The following PDE8B variants were observed in gnomAD, a reference collection of about 807,000 sequenced individuals.
PDE8B encodes phosphodiesterase 8B, also known as high affinity cAMP-specific and IBMX-insensitive 3',5'-cyclic phosphodiesterase 8B.
A neutral mutation model predicts 101.3 loss-of-function variants in PDE8B; 26 were observed. That is an observed-to-expected ratio of 0.26 (90% confidence interval 0.19 to 0.36). The LOEUF (loss-of-function observed/expected upper bound fraction) is 0.36. PDE8B is among the 10% of genes least tolerant of loss of function. The pLI, the probability that PDE8B is intolerant of heterozygous loss-of-function variation, is 1.00. For synonymous variants in PDE8B, 424 were observed against 429.3 expected (o/e 0.99, Z 0.15); for missense variants, 810 against 1,163.1 (o/e 0.70, Z 4.42).
chr5:77,324,288 GTTATT>G (rs1046989204), intron 2 of PDE8B, among the ~76,000 whole-genome samples: 1 of 152,156 alleles, frequency 6.6e-6, no homozygotes, highest in Non-Finnish European at 1.5e-5. Flanking sequence ...CCCACAGGTA[GTTATT>G]TTTTCATTTC....
At chr5:77,297,336 A>G (rs864109) in intron 1 of PDE8B, among the ~76,000 whole-genome samples, 120,891 of 152,180 alleles carry the variant, frequency 0.79, 48,871 homozygotes, top group African/African-American at 0.95. Context: ...CCTCACCACT[A>G]CTCCTAGTGT....
At chr5:77,166,770 C>T in the PDE8B span, 1 of 152,144 alleles carries the variant, frequency 6.6e-6, no homozygotes, top group Non-Finnish European at 1.5e-5. Context: ...TATGAAACAC[C>T]TTATGTTGGT....
chr5:77,382,623 G>T (rs978339477), intron 10 of PDE8B, among the ~76,000 whole-genome samples: 2 of 144,576 alleles, frequency 1.4e-5, no homozygotes, highest in African/African-American at 5.0e-5. Flanking sequence ...GATGTGTGAT[G>T]TTCCCCTCAC....
In PDE8B at chr5:77,349,619, A is replaced by C. The variant is rs1279562562; in HGVS notation, c.1017+60A>C. The C allele has an allele frequency of 2.5e-6, 4 of 1,578,972 alleles. No individual in the cohort carries two copies. The East Asian group carries it at 9.0e-5, about 35-fold the overall frequency. ...TCTCCCCAATGCACTTTTTTTTCTGAGTTTTAGAATTTCATCCTTAAGATT... is the reference window on the plus strand; with the variant it reads ...TCTCCCCAATGCACTTTTTTTTCTGCGTTTTAGAATTTCATCCTTAAGATT... On this transcript the variant is annotated intron_variant, in intron 8 of 21. Transcript: ENST00000264917.
chr5:77,337,064 C>T (rs141306818), intron 5 of PDE8B, among the ~76,000 whole-genome samples, 163 bp from the exon 6 acceptor site: 71 of 152,302 alleles, frequency 4.7e-4, no homozygotes, highest in African/African-American at 1.6e-3. Context: ...TACATTTAAA[C>T]AAGCACTTTG....
chr5:77,189,147 T>C, the PDE8B span, among the ~76,000 whole-genome samples: 4 of 152,184 alleles, frequency 2.6e-5, no homozygotes, highest in African/African-American at 9.7e-5. Flanking sequence ...CAATGAGAGC[T>C]GTGAGCAGCA....
chr5:77,400,187 T>A, intron 10 of PDE8B, 61 bp from the exon 11 acceptor site: 1 of 1,120,052 alleles, frequency 8.9e-7, no homozygotes, highest in Non-Finnish European at 1.4e-6. Context: ...TGATGAGAAA[T>A]ATAGCAAATG....
At chr5:77,384,763 G>A (rs1788198925) in intron 10 of PDE8B, among the ~76,000 whole-genome samples, 2 of 152,178 alleles carry the variant, frequency 1.3e-5, no homozygotes, top group East Asian at 1.9e-4. Flanking sequence ...CTGTTTATGT[G>A]ATGGGTCACA....
At chr5:77,131,497 C>T in the PDE8B span, among the ~76,000 whole-genome samples, 10 of 152,196 alleles carry the variant, frequency 6.6e-5, no homozygotes, top group Non-Finnish European at 1.3e-4. Flanking sequence ...TGGGTTTGGA[C>T]ATTCAAATAC....
intron 1 of PDE8B, among the ~76,000 whole-genome samples, chr5:77,227,765 G>C (rs1348207068): frequency 1.3e-5 from 2 of 152,152 alleles, no homozygotes; most frequent in African/African-American, 4.8e-5. Flanking sequence ...GACTGGTTCA[G>C]TTCAACAAAC....
chr5:77,374,538 C>G (rs1202417087), intron 10 of PDE8B, among the ~76,000 whole-genome samples: 2 of 151,450 alleles, frequency 1.3e-5, no homozygotes, highest in Non-Finnish European at 2.9e-5. Flanking sequence ...AGTGGTTGTC[C>G]TGGGGATTAC....
At chr5:77,330,201 T>C (rs1256602316) in intron 4 of PDE8B, among the ~76,000 whole-genome samples, 1 of 152,208 alleles carries the variant, frequency 6.6e-6, no homozygotes, top group Non-Finnish European at 1.5e-5. Context: ...AATGAGGTCA[T>C]AGAGTCTTGG....
intron 1 of PDE8B, among the ~76,000 whole-genome samples, chr5:77,223,731 G>A (rs1751712358): frequency 6.6e-6 from 1 of 152,058 alleles, no homozygotes; most frequent in Non-Finnish European, 1.5e-5. Context: ...TTTCCAGATG[G>A]TTTCCTCTTA....
chr5:77,369,592 G>C (rs950737916), intron 10 of PDE8B, among the ~76,000 whole-genome samples: 1 of 152,158 alleles, frequency 6.6e-6, no homozygotes, highest in African/African-American at 2.4e-5. Flanking sequence ...GCCCTAGACT[G>C]TCTTAAAGGC....
chr5:77,290,454 A>T (rs1767042166), intron 1 of PDE8B: 4 of 1,456,982 alleles, frequency 2.7e-6, no homozygotes, highest in South Asian at 1.1e-5. Flanking sequence ...CTATGAAGAA[A>T]CTGTAAAGAA....
At chr5:77,358,131 A>G (rs991506010) in intron 10 of PDE8B, among the ~76,000 whole-genome samples, 1 of 152,186 alleles carries the variant, frequency 6.6e-6, no homozygotes, top group Non-Finnish European at 1.5e-5. Context: ...GCAAACCATG[A>G]TCCTTAGCAC....
At position 77,387,761 on chromosome 5, in the gene PDE8B, G is replaced by A. The variant is rs188942080; in HGVS notation, c.1168-12487G>A. ...TCACATAGTCCCATATTTCTTGGAG[G>A]CCTTGTTCATTCCTTTTCATTCTTT... On this transcript the variant is annotated intron_variant, in intron 10 of 21. Transcript: ENST00000264917. Among the ~76,000 whole-genome samples, 311 of 152,148 alleles carry A rather than the reference G, an allele frequency of 2.0e-3. 4 individuals are homozygous for A. The highest frequency in any genetic ancestry group is 7.2e-3 in the African/African-American group (298 of 41,492).
At chr5:77,283,760 C>T (rs1452990458) in intron 1 of PDE8B, among the ~76,000 whole-genome samples, 2 of 152,148 alleles carry the variant, frequency 1.3e-5, no homozygotes, top group Non-Finnish European at 2.9e-5. Context: ...TTAGTTTCTC[C>T]AAGTTTGGGC....
chr5:77,247,124 G>A (rs1757111511), intron 1 of PDE8B, among the ~76,000 whole-genome samples: 1 of 152,108 alleles, frequency 6.6e-6, no homozygotes, highest in Non-Finnish European at 1.5e-5. Context: ...CATACAACAG[G>A]GCCCTACTGG....
Sources: allele counts gnomAD v4.1 joint callset (sites outside exome capture counted in the v4.1 genomes callset), GRCh38; gene constraint gnomAD v4.1.1; transcripts MANE v1.5; gene names NCBI Gene and HGNC (gene_info 2026-07-23, HGNC 2026-07-21).